The following SLCO3A1 variants were observed in gnomAD, a reference collection of about 807,000 sequenced individuals.
SLCO3A1 encodes the protein solute carrier organic anion transporter family member 3A1.
SLCO3A1 carries 27 observed loss-of-function variants against 63.1 expected under a neutral mutation model. That is an observed-to-expected ratio of 0.43 (90% CI 0.32 to 0.59). The LOEUF (loss-of-function observed/expected upper bound fraction) is 0.59, where lower values mean the gene tolerates loss of function less well. SLCO3A1 is among the 20% of genes least tolerant of loss of function. The probability of loss-of-function intolerance (pLI) is 0.09; values close to 1 mark genes in which losing one functional copy is unlikely to be tolerated. For missense variants in SLCO3A1, 773 were observed against 945.8 expected, an observed-to-expected ratio of 0.82 and a Z score of 2.40; for synonymous variants, 473 against 409.9, an observed-to-expected ratio of 1.15 and a Z score of -1.86.
chr15:92,015,622 G>A (rs2046417574), intron 2 of SLCO3A1, among the ~76,000 whole-genome samples: 1 of 152,120 alleles, frequency 6.6e-6, no homozygotes, highest in African/African-American at 2.4e-5. Context: ...TCACTCCCAA[G>A]GGAGAGGCAG....
intron 1 of SLCO3A1, chr15:91,908,439 T>G (rs2151374843): frequency 6.6e-6 from 1 of 152,284 alleles, no homozygotes; most frequent in African/African-American, 2.4e-5. Flanking sequence ...GGGTGTTCTC[T>G]TTGCCACCAT....
intron 2 of SLCO3A1, among the ~76,000 whole-genome samples, chr15:92,031,015 TGAGGGAGG>T (rs57656534): frequency 3.3e-4 from 34 of 103,092 alleles, no homozygotes; most frequent in South Asian, 1.1e-3. Flanking sequence ...CTGTACCCTG[TGAGGGAGG>T]GAGGGAGGGA....
chr15:92,026,644 T>C (rs1452797417), intron 2 of SLCO3A1, among the ~76,000 whole-genome samples: 1 of 152,198 alleles, frequency 6.6e-6, no homozygotes, highest in Admixed American at 6.5e-5. Context: ...TAACCAGTTA[T>C]TTATTTTAAA....
intron 1 of SLCO3A1, among the ~76,000 whole-genome samples, chr15:91,905,519 T>C (rs1242528038): frequency 6.9e-6 from 1 of 143,912 alleles, no homozygotes; most frequent in Non-Finnish European, 1.5e-5. Context: ...TGTGTTGTTA[T>C]TTTTTTTATT....
In SLCO3A1 at chr15:91,889,491, T is replaced by C. The variant is rs1897817369; in HGVS notation, c.181-26502T>C. On this transcript the variant is annotated intron_variant, in intron 1 of 9. Coordinates refer to ENST00000318445, the MANE Select transcript of SLCO3A1 (RefSeq NM_013272.4). Reference sequence around the variant, plus strand: ...TCTGTGCCTTATAAAACACTGTGCTTGCTTGTTCTATGAATTGACTGATCT... The same window carrying C: ...TCTGTGCCTTATAAAACACTGTGCTCGCTTGTTCTATGAATTGACTGATCT... Among the ~76,000 whole-genome samples the C allele has an allele frequency of 2.6e-5, 4 of 152,236 alleles. No homozygotes were observed. In the South Asian group the frequency reaches 8.3e-4, roughly 32 times the overall value.
intron 2 of SLCO3A1, among the ~76,000 whole-genome samples, chr15:92,094,484 C>T (rs2047514395): frequency 6.6e-6 from 1 of 152,132 alleles, no homozygotes; most frequent in African/African-American, 2.4e-5. Context: ...GTCAAGGGAT[C>T]TTAGCCAACC....
At chr15:92,148,783 C>G (rs1371741530) in intron 8 of SLCO3A1, 1 of 152,136 alleles carries the variant, frequency 6.6e-6, no homozygotes, top group East Asian at 1.9e-4. Context: ...ACAACGTTAA[C>G]TATAATAGCA....
intron 2 of SLCO3A1, among the ~76,000 whole-genome samples, chr15:91,922,843 G>A (rs1392906433): frequency 6.6e-6 from 1 of 152,196 alleles, no homozygotes; most frequent in Non-Finnish European, 1.5e-5. Context: ...CTCCCCAGCT[G>A]CTGGTCGCAT....
chr15:91,961,110 T>C (rs7171131), intron 2 of SLCO3A1, among the ~76,000 whole-genome samples: 54,805 of 152,090 alleles, frequency 0.36, 10,132 homozygotes, highest in African/African-American at 0.42. Context: ...CCCTTGACTT[T>C]AAGCATACTT....
intron 2 of SLCO3A1, among the ~76,000 whole-genome samples, chr15:92,083,735 T>C (rs1056655085): frequency 1.3e-5 from 2 of 152,188 alleles, no homozygotes; most frequent in African/African-American, 4.8e-5. Context: ...TTCTGGGTGG[T>C]GAGAGATGGT....
intron 2 of SLCO3A1, among the ~76,000 whole-genome samples, chr15:92,038,851 C>G (rs531692083): frequency 6.6e-6 from 1 of 152,304 alleles, no homozygotes; most frequent in East Asian, 1.9e-4. Flanking sequence ...AGTCTTCAAA[C>G]TATACTACAA....
At chr15:91,899,440 T>G (rs1898095572) in intron 1 of SLCO3A1, among the ~76,000 whole-genome samples, 1 of 152,160 alleles carries the variant, frequency 6.6e-6, no homozygotes, top group Non-Finnish European at 1.5e-5. Flanking sequence ...TCTTTTATCA[T>G]AACCTAACAA....
intron 2 of SLCO3A1, among the ~76,000 whole-genome samples, chr15:91,997,680 GAATAGAGAACC>G (rs2046207855): frequency 6.6e-6 from 1 of 152,144 alleles, no homozygotes; most frequent in Non-Finnish European, 1.5e-5. Flanking sequence ...CAGTGGAGCA[GAATAGAGAACC>G]AATAAATAAA....
intron 3 of SLCO3A1, among the ~76,000 whole-genome samples, chr15:92,103,763 A>C (rs1363211785): frequency 6.6e-6 from 1 of 151,982 alleles, no homozygotes. Flanking sequence ...GTAGGACTTC[A>C]ACCCAGGCAG....
chr15:92,105,082 C>T (rs549370153), intron 4 of SLCO3A1, among the ~76,000 whole-genome samples: 4 of 152,084 alleles, frequency 2.6e-5, no homozygotes, highest in East Asian at 1.9e-4. Flanking sequence ...GCCTGGCCAA[C>T]GTGGTGAAAC....
chr15:91,954,985 T>C lies in SLCO3A1; in HGVS notation c.646+38527T>C, dbSNP rs1459699411. Among the ~76,000 whole-genome samples the C allele has an allele frequency of 6.6e-6, 1 of 152,118 alleles. No homozygotes were observed. ...TGGGCTCTGATCAGATGCTCAGTTG[T>C]CTCCCTTCTCTGCTTCCCTCACTTG... is the stretch of plus-strand genomic sequence containing the variant. On this transcript the variant is annotated intron_variant, in intron 2 of 9. Coordinates refer to ENST00000318445, the MANE Select transcript of SLCO3A1 (RefSeq NM_013272.4). This position sits in a 1 kb window ranked among gnomAD's most constrained non-coding sequence, Gnocchi z 4.7.
chr15:92,145,815 G>C (rs999800639), intron 7 of SLCO3A1, among the ~76,000 whole-genome samples: 5 of 152,196 alleles, frequency 3.3e-5, no homozygotes, highest in Admixed American at 2.0e-4. Flanking sequence ...GAGCCCCAGC[G>C]TACGTCTGCC....
rs552651566 is a variant in SLCO3A1, at chr15:92,104,346, C to T, written c.813C>T (p.Cys271=). The stretch of plus-strand genomic sequence containing the variant: ...CCTGGTGGGGTGGCTTTCTGCTCTG[C>T]GGTGCCTTACTCTTCTTCTCTTCCC... ...IGAWWGGFLL[C]GALLFFSSLL... The change falls in exon 4 of 10, where the codon TGC becomes TGT. Residue 271 remains cysteine (C), a synonymous_variant. Transcript: ENST00000318445. The T allele has an allele frequency of 5.0e-5, 80 of 1,614,052 alleles. No homozygotes were observed. The highest frequency in any genetic ancestry group is 6.7e-5 in the African/African-American group (5 of 74,924).
chr15:91,969,079 C>A (rs1900763844), intron 2 of SLCO3A1, among the ~76,000 whole-genome samples: 1 of 152,182 alleles, frequency 6.6e-6, no homozygotes, highest in Non-Finnish European at 1.5e-5. Context: ...ACACCTGTGT[C>A]CCCGCTACAC....
Sources: gnomAD v4.1 joint callset for allele counts (sites outside exome capture counted in the v4.1 genomes callset) on GRCh38, gnomAD v4.1.1 for gene constraint, Gnocchi (gnomAD v3.1) non-coding constraint, MANE v1.5 for transcripts, NCBI Gene and HGNC (gene_info 2026-07-23, HGNC 2026-07-21) for gene names.